Variants in CHCHD3 observed in about 807,000 individuals in gnomAD.
CHCHD3 encodes coiled-coil-helix-coiled-coil-helix domain containing 3, also known as MICOS complex subunit MIC19.
CHCHD3 carries 20 observed loss-of-function variants against 38.2 expected under a neutral mutation model. The observed-to-expected ratio is 0.52, with a 90% CI of 0.37 to 0.76. CHCHD3 has a LOEUF of 0.76. Ranked by LOEUF, CHCHD3 falls within the 30% of genes least tolerant of loss-of-function variation. The probability of loss-of-function intolerance (pLI) is 0.00; values close to 1 mark genes in which losing one functional copy is unlikely to be tolerated. For synonymous variants in CHCHD3, 82 were observed against 100.0 expected (o/e 0.82, Z 1.07); for missense variants, 245 against 279.2 (o/e 0.88, Z 0.87).
At chr7:132,786,244 G>C (rs1007118965) in intron 7 of CHCHD3, among the ~76,000 whole-genome samples, 1 of 152,182 alleles carries the variant, frequency 6.6e-6, no homozygotes, top group Non-Finnish European at 1.5e-5. Flanking sequence ...TGGATGCAGT[G>C]ACCGGGGGAA....
At chr7:132,901,802 A>T (rs1274330960) in intron 4 of CHCHD3, among the ~76,000 whole-genome samples, 1 of 152,182 alleles carries the variant, frequency 6.6e-6, no homozygotes, top group East Asian at 1.9e-4. Context: ...TTTGCTGTGC[A>T]GAAGCTCTTT....
chr7:132,865,241 G>C (rs188292550), intron 5 of CHCHD3, among the ~76,000 whole-genome samples: 171 of 152,314 alleles, frequency 1.1e-3, no homozygotes, highest in Middle Eastern at 3.4e-3. Context: ...TTTTTTAGCT[G>C]TACCTAACTG....
intron 2 of CHCHD3, among the ~76,000 whole-genome samples, chr7:133,064,594 G>A (rs1281245947): frequency 3.9e-5 from 6 of 152,190 alleles, no homozygotes; most frequent in Non-Finnish European, 1.5e-5. Flanking sequence ...ACATGAATCT[G>A]TTTCCCAAAA....
At chr7:132,909,766 C>T (rs1454423378) in intron 4 of CHCHD3, among the ~76,000 whole-genome samples, 1 of 152,126 alleles carries the variant, frequency 6.6e-6, no homozygotes, top group East Asian at 1.9e-4. Flanking sequence ...ACACAACTAC[C>T]TTTATCTTCT....
rs1815071348 is a variant in CHCHD3, at chr7:133,078,575, A to C, written c.81+3282T>G. The stretch of plus-strand genomic sequence containing the variant: ...CCCAAGTCATTATATGAAAAAAATA[A>C]AGGAAGATGAAATTATAGATGCTCC... On this transcript the variant is annotated intron_variant, in intron 1 of 7. Transcript: ENST00000262570. 2.0e-5 allele frequency among the ~76,000 whole-genome samples: 3 copies of C among 152,302 alleles called. No individual in the cohort carries two copies. In the South Asian group the frequency reaches 6.2e-4, roughly 32 times the overall value.
intron 4 of CHCHD3, among the ~76,000 whole-genome samples, chr7:132,970,463 T>C (rs1382777288): frequency 1.3e-5 from 2 of 152,180 alleles, no homozygotes; most frequent in South Asian, 2.1e-4. Context: ...AATGCAAACA[T>C]AGCAATTAGT....
intron 3 of CHCHD3, among the ~76,000 whole-genome samples, chr7:133,008,025 G>A (rs1812748362): frequency 6.6e-6 from 1 of 152,038 alleles, no homozygotes; most frequent in Non-Finnish European, 1.5e-5. Flanking sequence ...GTTATGTTGG[G>A]GGAAATCATC....
At chr7:132,895,869 G>T (rs1809481363) in intron 4 of CHCHD3, among the ~76,000 whole-genome samples, 1 of 152,230 alleles carries the variant, frequency 6.6e-6, no homozygotes, top group South Asian at 2.1e-4. Flanking sequence ...CAAGAGGATT[G>T]TTGGTTGTTT....
intron 4 of CHCHD3, among the ~76,000 whole-genome samples, chr7:132,942,958 G>C (rs1406992724): frequency 6.6e-6 from 1 of 151,950 alleles, no homozygotes; most frequent in Non-Finnish European, 1.5e-5. Flanking sequence ...AGTAATAAAG[G>C]GTCTGGTTGC....
chr7:132,880,944 T>G (rs1049703621), intron 5 of CHCHD3, among the ~76,000 whole-genome samples: 13 of 152,190 alleles, frequency 8.5e-5, no homozygotes, highest in African/African-American at 3.1e-4. Flanking sequence ...TAATACTATC[T>G]ATGTCTCTTA....
At chr7:133,078,292 G>A (rs542663678) in intron 1 of CHCHD3, among the ~76,000 whole-genome samples, 21 of 152,326 alleles carry the variant, frequency 1.4e-4, no homozygotes, top group South Asian at 4.1e-4. Flanking sequence ...CTGGGTGACA[G>A]AGCAAGACTC....
chr7:132,879,672 A>G (rs2117164438), intron 5 of CHCHD3, among the ~76,000 whole-genome samples: 1 of 140,834 alleles, frequency 7.1e-6, no homozygotes, highest in African/African-American at 2.6e-5. Flanking sequence ...ACACACAACG[A>G]TCCAAACTCT....
chr7:132,851,978 G>A (rs1330568237), intron 5 of CHCHD3, among the ~76,000 whole-genome samples: 2 of 152,180 alleles, frequency 1.3e-5, no homozygotes, highest in South Asian at 2.1e-4. Context: ...GGAGGAGCAC[G>A]TGCACACAGA....
At chr7:132,949,904 T>C (rs566248405) in intron 4 of CHCHD3, among the ~76,000 whole-genome samples, 84 of 152,216 alleles carry the variant, frequency 5.5e-4, no homozygotes, top group African/African-American at 1.9e-3. Flanking sequence ...TAGACACAAG[T>C]TAGAAGCTCT....
At chr7:132,888,159 T>TA (rs933908165) in intron 4 of CHCHD3, among the ~76,000 whole-genome samples, 40 of 151,142 alleles carry the variant, frequency 2.6e-4, no homozygotes, top group Non-Finnish European at 4.7e-4. Context: ...AAAACAAAAA[T>TA]AAAAAAACAA....
chr7:133,011,812 T>C (rs1812880807), intron 3 of CHCHD3, among the ~76,000 whole-genome samples: 1 of 152,204 alleles, frequency 6.6e-6, no homozygotes, highest in African/African-American at 2.4e-5. Flanking sequence ...AAAAAATTAT[T>C]TTATCTTAGG....
intron 5 of CHCHD3, among the ~76,000 whole-genome samples, chr7:132,850,598 C>G (rs982251875): frequency 6.6e-6 from 1 of 151,966 alleles, no homozygotes; most frequent in African/African-American, 2.4e-5. Flanking sequence ...ACAACTGCAC[C>G]AAAAACTCAT....
intron 4 of CHCHD3, among the ~76,000 whole-genome samples, chr7:132,933,342 G>A (rs1286004687): frequency 6.6e-6 from 1 of 152,084 alleles, no homozygotes; most frequent in Non-Finnish European, 1.5e-5. Context: ...GATTTCTGAT[G>A]GTGTGCTCAG....
chr7:133,070,849 A>G (rs1814801183), intron 1 of CHCHD3, among the ~76,000 whole-genome samples: 1 of 152,242 alleles, frequency 6.6e-6, no homozygotes, highest in Non-Finnish European at 1.5e-5. Context: ...GCAAGTATAC[A>G]GAAAACACAA....
Sources: allele counts gnomAD v4.1 joint callset (sites outside exome capture counted in the v4.1 genomes callset), GRCh38; gene constraint gnomAD v4.1.1; transcripts MANE v1.5; gene names NCBI Gene and HGNC (gene_info 2026-07-23, HGNC 2026-07-21).